ADGRB3: variants seen among roughly 807,000 people sequenced by gnomAD.
ADGRB3 encodes brain-specific angiogenesis inhibitor 3.
In ADGRB3, 37 loss-of-function variants were observed where a neutral mutation model predicts 193.4. That is an observed-to-expected ratio of 0.19 (90% CI 0.15 to 0.25). The LOEUF is 0.25. Ranked by LOEUF, ADGRB3 falls within the 10% of genes least tolerant of loss-of-function variation. The probability of loss-of-function intolerance (pLI) is 1.00; values close to 1 mark genes in which losing one functional copy is unlikely to be tolerated. For synonymous variants in ADGRB3, 690 were observed against 644.2 expected, an observed-to-expected ratio of 1.07 and a Z score of -1.08; for missense variants, 1,637 against 1,852.9, an observed-to-expected ratio of 0.88 and a Z score of 2.14.
At chr6:69,051,923 C>T (rs1771406204) in intron 15 of ADGRB3, among the ~76,000 whole-genome samples, 1 of 152,250 alleles carries the variant, frequency 6.6e-6, no homozygotes, top group Non-Finnish European at 1.5e-5. Context: ...GAGACGGAGT[C>T]TCGCTCTGTT....
At chr6:69,058,029 A>G (rs1771597310) in intron 15 of ADGRB3, among the ~76,000 whole-genome samples, 1 of 151,864 alleles carries the variant, frequency 6.6e-6, no homozygotes, top group South Asian at 2.1e-4. Context: ...TCTTCTTTAA[A>G]TGTATCATAG....
intron 17 of ADGRB3, among the ~76,000 whole-genome samples, chr6:69,128,320 A>G (rs945343842): frequency 2.0e-5 from 3 of 152,314 alleles, no homozygotes; most frequent in Non-Finnish European, 4.4e-5. Flanking sequence ...CCCCAAAGCC[A>G]GAATGACAAA....
intron 16 of ADGRB3, among the ~76,000 whole-genome samples, chr6:69,075,093 TAGGA>T (rs1248219850): frequency 6.6e-6 from 1 of 152,228 alleles, no homozygotes; most frequent in Non-Finnish European, 1.5e-5. Context: ...TTTGCATTAT[TAGGA>T]AGAGAGCACC....
Position 68,712,125 on chromosome 6 carries a change from T to G in ADGRB3, c.757+72693T>G, listed in dbSNP as rs117726927. Among the ~76,000 whole-genome samples, 137 of 152,100 alleles carry G rather than the reference T, an allele frequency of 9.0e-4. 2 individuals carry two copies. The East Asian group carries it at 0.019, about 22-fold the overall frequency. ...TGAGGGCAAAATATTATTAATAAAT[T>G]TATTGAATTTCAAAGTGCACTAAAA... On this transcript the variant is annotated intron_variant, in intron 3 of 31. Transcript: ENST00000370598.
chr6:68,752,579 G>A (rs929127032), intron 3 of ADGRB3, among the ~76,000 whole-genome samples: 1 of 151,982 alleles, frequency 6.6e-6, no homozygotes, highest in African/African-American at 2.4e-5. Context: ...GGCTAGTTGT[G>A]GTAGGATATT....
At chr6:69,256,946 A>G (rs568109287) in intron 20 of ADGRB3, among the ~76,000 whole-genome samples, 44 of 150,290 alleles carry the variant, frequency 2.9e-4, no homozygotes, top group African/African-American at 1.0e-3. Flanking sequence ...CCTTTTCTGC[A>G]TCTATTGAGA....
chr6:68,859,624 C>G (rs943072484), intron 3 of ADGRB3, among the ~76,000 whole-genome samples: 1 of 152,060 alleles, frequency 6.6e-6, no homozygotes, highest in Admixed American at 6.6e-5. Context: ...TGTAGGGGAC[C>G]TCCCCTTTAT....
At chr6:68,883,500 C>G (rs975545443) in intron 3 of ADGRB3, among the ~76,000 whole-genome samples, 3 of 152,218 alleles carry the variant, frequency 2.0e-5, no homozygotes, top group Admixed American at 6.5e-5. Context: ...TGGGTCTGTA[C>G]TGCCTTTATG....
At chr6:68,730,754 C>T (rs1249813574) in intron 3 of ADGRB3, among the ~76,000 whole-genome samples, 1 of 151,646 alleles carries the variant, frequency 6.6e-6, no homozygotes, top group Non-Finnish European at 1.5e-5. Flanking sequence ...TCAGGGAAAA[C>T]ACTAAAACTA....
chr6:68,807,390 C>G lies in ADGRB3; in HGVS notation c.758-123169C>G, dbSNP rs367704971. Among the ~76,000 whole-genome samples the G allele has an allele frequency of 5.3e-5, 8 of 151,898 alleles. 1 individual carries two copies. In the South Asian group the frequency reaches 6.2e-4, roughly 12 times the overall value. Reference sequence around the variant, plus strand: ...AGTAGCTGGGACTACAGGCGCCCCCCACCTTGCCCGGGTAATTTTGTTTGT... The same window carrying G: ...AGTAGCTGGGACTACAGGCGCCCCCGACCTTGCCCGGGTAATTTTGTTTGT... On this transcript the variant is annotated intron_variant, in intron 3 of 31. Transcript: ENST00000370598.
rs150422960 is a variant in ADGRB3, at chr6:69,199,200, T to C, written c.2481-34090T>C. Among the ~76,000 whole-genome samples the C allele has an allele frequency of 4.4e-4, 67 of 152,264 alleles. 1 individual carries two copies. The highest frequency in any genetic ancestry group is 1.5e-3 in the African/African-American group (63 of 41,572). Reference sequence around the variant, plus strand: ...TTGCTCAGCACATCTCTGTTAACACTTCCTTGGAGGCTACATTACTATTCT... The same window carrying C: ...TTGCTCAGCACATCTCTGTTAACACCTCCTTGGAGGCTACATTACTATTCT... On this transcript the variant is annotated intron_variant, in intron 17 of 31. Coordinates refer to ENST00000370598, the MANE Select transcript of ADGRB3 (RefSeq NM_001704.3).
chr6:68,753,261 G>A (rs1246503588), intron 3 of ADGRB3, among the ~76,000 whole-genome samples: 1 of 152,186 alleles, frequency 6.6e-6, no homozygotes, highest in Non-Finnish European at 1.5e-5. Flanking sequence ...CTCCATAGGA[G>A]ATTGATTAGA....
chr6:69,001,921 C>T (rs1025596664), intron 11 of ADGRB3, among the ~76,000 whole-genome samples: 1 of 152,140 alleles, frequency 6.6e-6, no homozygotes, highest in Admixed American at 6.5e-5. Context: ...ATTTACCTCA[C>T]TCTGTGTAAT....
intron 15 of ADGRB3, among the ~76,000 whole-genome samples, chr6:69,053,199 G>A (rs1771449614): frequency 6.6e-6 from 1 of 151,872 alleles, no homozygotes; most frequent in South Asian, 2.1e-4. Context: ...AAAATGTATA[G>A]AACCATAGGA....
intron 17 of ADGRB3, among the ~76,000 whole-genome samples, chr6:69,181,288 G>GA (rs751328871): frequency 9.6e-4 from 139 of 145,492 alleles, no homozygotes; most frequent in African/African-American, 2.7e-3. Context: ...TCACTATCTT[G>GA]AAAAAAAAAA....
At chr6:68,837,214 T>C (rs1240827684) in intron 3 of ADGRB3, among the ~76,000 whole-genome samples, 1 of 152,184 alleles carries the variant, frequency 6.6e-6, no homozygotes, top group South Asian at 2.1e-4. Context: ...ACCTGAAGTA[T>C]AGGAAATAAT....
chr6:69,232,915 T>C (rs1363805281), intron 17 of ADGRB3: 1 of 489,598 alleles, frequency 2.0e-6, no homozygotes, highest in Non-Finnish European at 3.6e-6. Context: ...AAAAGCCTCT[T>C]TACACCCTGA....
chr6:68,974,395 A>G (rs1034134708), intron 8 of ADGRB3, among the ~76,000 whole-genome samples: 5 of 152,310 alleles, frequency 3.3e-5, no homozygotes, highest in Admixed American at 2.6e-4. Flanking sequence ...TGGTGGCTCA[A>G]TTCTATAATC....
chr6:68,731,603 A>G (rs920015796), intron 3 of ADGRB3, among the ~76,000 whole-genome samples: 2 of 151,620 alleles, frequency 1.3e-5, no homozygotes, highest in African/African-American at 2.4e-5. Flanking sequence ...ATTAATGGTC[A>G]AGCTCCTGTT....
Sources: gnomAD v4.1 joint callset for allele counts (sites outside exome capture counted in the v4.1 genomes callset) on GRCh38, gnomAD v4.1.1 for gene constraint, MANE v1.5 for transcripts, NCBI Gene and HGNC (gene_info 2026-07-23, HGNC 2026-07-21) for gene names.